The following OR1L6 variants were observed in gnomAD, a reference collection of about 807,000 sequenced individuals.
OR1L6 encodes the protein olfactory receptor 1L6.
OR1L6 carries 2 observed loss-of-function variants against 3.0 expected under a neutral mutation model. That is an observed-to-expected ratio of 0.68 (90% confidence interval 0.28 to 2.13). The LOEUF is 2.13. Ranked by LOEUF, OR1L6 falls within the 30% of genes most tolerant of loss-of-function variation. The pLI is 0.14. For missense variants in OR1L6, 304 were observed against 378.4 expected, an observed-to-expected ratio of 0.80 and a Z score of 1.63; for synonymous variants, 121 against 148.4, an observed-to-expected ratio of 0.82 and a Z score of 1.34.
rs570727264 is a variant in OR1L6, at chr9:122,744,536, T to C, written c.-14+2163T>C. On this transcript the variant is annotated intron_variant, in intron 1 of 1. Transcript: ENST00000304720. ...TTTTAATAGAGAAAGTTTAGAAGTATAGAAATAATCCACATTTCCTGTCTG... is the reference window on the plus strand; with the variant it reads ...TTTTAATAGAGAAAGTTTAGAAGTACAGAAATAATCCACATTTCCTGTCTG... Among the ~76,000 whole-genome samples the C allele has an allele frequency of 1.4e-4, 21 of 152,304 alleles. No individual in the cohort carries two copies. The East Asian group carries it at 3.7e-3, about 27-fold the overall frequency.
intron 1 of OR1L6, among the ~76,000 whole-genome samples, chr9:122,747,840 G>A (rs1324014967): frequency 1.3e-5 from 2 of 151,842 alleles, no homozygotes; most frequent in Non-Finnish European, 2.9e-5. Flanking sequence ...TAATGTTTAT[G>A]TCTTTTAATT....
At position 122,750,005 on chromosome 9, in the gene OR1L6, A is replaced by T. The variant is rs1828874324; in HGVS notation, c.158A>T (p.Asp53Val). 5 of 1,613,730 alleles carry T rather than the reference A, an allele frequency of 3.1e-6. No individual in the cohort carries two copies. The highest frequency in any genetic ancestry group is 4.2e-6 in the Non-Finnish European group (5 of 1,179,996). The change falls in exon 2 of 2, where the codon GAC (aspartate) becomes GTC (valine). Residue 53 changes from aspartate to valine, a missense_variant. Asp to Val is a radical substitution (Grantham distance 152). Around this residue, in one of 3 missense-constraint regions of OR1L6, gnomAD observed 192 missense variants for 242.7 expected, o/e 0.79. Transcript: ENST00000304720. Reference sequence around the variant, plus strand: ...CTCATCATCCCGGCCATCTACTCTGACCCCAGGCTCCACACCCCTATGTAC... The same window carrying T: ...CTCATCATCCCGGCCATCTACTCTGTCCCCAGGCTCCACACCCCTATGTAC... ...NVLIIPAIYSDPRLHTPMYFF... is the reference protein window; with the variant it reads ...NVLIIPAIYSVPRLHTPMYFF...
At chr9:122,745,995 T>C (rs2118908158) in intron 1 of OR1L6, among the ~76,000 whole-genome samples, 1 of 152,240 alleles carries the variant, frequency 6.6e-6, no homozygotes, top group South Asian at 2.1e-4. Flanking sequence ...ATGCATTACA[T>C]ATTTGTCCTA....
intron 1 of OR1L6, among the ~76,000 whole-genome samples, chr9:122,745,251 G>A (rs1241186132): frequency 6.6e-6 from 1 of 151,950 alleles, no homozygotes; most frequent in African/African-American, 2.4e-5. Context: ...AACATTCTTG[G>A]GGTAGCGGAA....
chr9:122,745,956 CA>C lies in OR1L6; in HGVS notation c.-14+3586del, dbSNP rs1159227476. On this transcript the variant is annotated intron_variant, in intron 1 of 1. Coordinates refer to ENST00000304720, the MANE Select transcript of OR1L6 (RefSeq NM_001004453.3). ...GTGCCATGGTGGTTTCCTTACCCAT[CA>C]AACTGTCATCTAGGTTTTAAGCCTG... Among the ~76,000 whole-genome samples, 7 of 152,076 alleles carry C rather than the reference CA, an allele frequency of 4.6e-5. No individual in the cohort carries two copies. In the East Asian group the frequency reaches 1.3e-3, roughly 29 times the overall value.
chr9:122,748,617 G>A (rs1209429941), intron 1 of OR1L6, among the ~76,000 whole-genome samples: 3 of 152,216 alleles, frequency 2.0e-5, no homozygotes, highest in East Asian at 1.9e-4. Context: ...TCTTTAGGGT[G>A]TCTACCATGC....
intron 1 of OR1L6, among the ~76,000 whole-genome samples, chr9:122,747,775 T>C (rs1451524597): frequency 6.6e-6 from 1 of 152,074 alleles, no homozygotes; most frequent in Non-Finnish European, 1.5e-5. Context: ...TCATAGATTT[T>C]AAATTTTTTC....
chr9:122,744,651 C>T (rs1280816377), intron 1 of OR1L6, among the ~76,000 whole-genome samples: 1 of 152,202 alleles, frequency 6.6e-6, no homozygotes, highest in Non-Finnish European at 1.5e-5. Context: ...CCTTCCCAAT[C>T]ACCACCTGAT....
At chr9:122,747,069 G>T (rs1045190204) in intron 1 of OR1L6, among the ~76,000 whole-genome samples, 1 of 151,928 alleles carries the variant, frequency 6.6e-6, no homozygotes, top group African/African-American at 2.4e-5. Flanking sequence ...TAACTTTTAG[G>T]TTGTTCATTT....
At chr9:122,749,711 G>GA (rs144621497) in intron 1 of OR1L6, 124 bp from the exon 2 acceptor site, 27,720 of 716,010 alleles carry the variant, frequency 0.039, 39 homozygotes, top group African/African-American at 0.055. Context: ...CCGTCTCAAA[G>GA]AAAAAAAAAA....
At position 122,750,375 on chromosome 9, in the gene OR1L6, G is replaced by A; in HGVS notation, c.528G>A (p.Lys176=). ...RLSFCASHII[K]HFFCDTQPVL... ...CTTTCTGTGCCTCTCACATCATTAA[G>A]CACTTTTTCTGTGACACCCAGCCTG... is the stretch of plus-strand genomic sequence containing the variant. Residue 176 remains lysine (K), a synonymous_variant, in exon 2 of 2, where the codon AAG becomes AAA. Transcript: ENST00000304720. 1.2e-6 allele frequency: 2 copies of A among 1,613,228 alleles called. No homozygotes were observed. Among genetic ancestry groups the A allele is most frequent in the Middle Eastern group, 1.6e-4 (1 of 6,062 alleles).
intron 1 of OR1L6, among the ~76,000 whole-genome samples, chr9:122,745,822 C>T (rs1248865370): frequency 1.3e-5 from 2 of 152,030 alleles, no homozygotes; most frequent in Admixed American, 1.3e-4. Context: ...TTCCACACCA[C>T]AACAAACACA....
In OR1L6 at chr9:122,750,096, G is replaced by A; in HGVS notation, c.249G>A (p.Leu83=). ...CAACAGTCATAGTGCCTAAGATGCT[G>A]GTGAATTTTCTATCAGAGACAAAGG... ...CFTTVIVPKM[L]VNFLSETKVI... Residue 83 remains leucine (L), a synonymous_variant, in exon 2 of 2, where the codon CTG becomes CTA. Transcript: ENST00000304720. 1.2e-6 allele frequency: 2 copies of A among 1,614,062 alleles called. No homozygotes were observed. The highest frequency in any genetic ancestry group is 1.3e-5 in the African/African-American group (1 of 75,028).
chr9:122,747,124 T>G (rs1828844656), intron 1 of OR1L6, among the ~76,000 whole-genome samples: 1 of 152,136 alleles, frequency 6.6e-6, no homozygotes, highest in Non-Finnish European at 1.5e-5. Context: ...AAATCTAGCC[T>G]TATACTTTCC....
intron 1 of OR1L6, 103 bp from the exon 2 acceptor site, chr9:122,749,732 A>G: frequency 9.1e-7 from 1 of 1,094,508 alleles, no homozygotes; most frequent in Non-Finnish European, 1.4e-6. Flanking sequence ...CAACCGTAAC[A>G]AAGGGCTATG....
chr9:122,748,693 C>G (rs1278376631), intron 1 of OR1L6, among the ~76,000 whole-genome samples: 1 of 152,182 alleles, frequency 6.6e-6, no homozygotes, highest in Non-Finnish European at 1.5e-5. Flanking sequence ...TCCTGACCCC[C>G]ACTTCTTCTG....
intron 1 of OR1L6, among the ~76,000 whole-genome samples, chr9:122,745,391 A>T (rs1046645206): frequency 2.0e-5 from 3 of 148,716 alleles, no homozygotes; most frequent in South Asian, 2.1e-4. Context: ...TTACGAAATG[A>T]CTATAAATAA....
intron 1 of OR1L6, among the ~76,000 whole-genome samples, chr9:122,748,933 T>TTG (rs149721479): frequency 1.9e-3 from 282 of 150,514 alleles, no homozygotes; most frequent in South Asian, 3.4e-3. Flanking sequence ...CAGTATTCCA[T>TTG]TGTGTGTGTG....
chr9:122,745,308 T>G (rs1828825192), intron 1 of OR1L6, among the ~76,000 whole-genome samples: 1 of 151,936 alleles, frequency 6.6e-6, no homozygotes, highest in Non-Finnish European at 1.5e-5. Flanking sequence ...TGTATATAGA[T>G]CTATGCAGAG....
Sources: gnomAD v4.1 joint callset for allele counts (sites outside exome capture counted in the v4.1 genomes callset) on GRCh38, gnomAD v4.1.1 for gene constraint, gnomAD v4.1.1 regional missense constraint, MANE v1.5 for transcripts, NCBI Gene and HGNC (gene_info 2026-07-23, HGNC 2026-07-21) for gene names.